SMYD1: variants seen among roughly 807,000 people sequenced by gnomAD.
SMYD1 encodes SET and MYND domain containing 1, also known as histone-lysine N-methyltransferase SMYD1.
Under a neutral mutation model 54.0 loss-of-function variants are expected in SMYD1, and 49 were observed. The observed-to-expected ratio is 0.91, with a 90% CI of 0.72 to 1.15. The LOEUF is 1.15. Ranked by LOEUF, SMYD1 falls within the 50% of genes most tolerant of loss-of-function variation. SMYD1 has a pLI of 0.00. For synonymous variants in SMYD1, 269 were observed against 234.2 expected (o/e 1.15, Z -1.36); for missense variants, 653 against 639.6 (o/e 1.02, Z -0.23).
intron 6 of SMYD1, among the ~76,000 whole-genome samples, chr2:88,097,599 A>G (rs1674624187): frequency 6.6e-6 from 1 of 152,148 alleles, no homozygotes; most frequent in Non-Finnish European, 1.5e-5. Context: ...ATTCTCTTTT[A>G]TAAGGACGCT....
chr2:88,085,547 G>C (rs1475606461), intron 2 of SMYD1, among the ~76,000 whole-genome samples: 1 of 152,180 alleles, frequency 6.6e-6, no homozygotes, highest in African/African-American at 2.4e-5. Context: ...GAACCTGCAG[G>C]ATGAAATGGC....
rs374325673 is a variant in SMYD1 at position 88,106,504 on chromosome 2, A to G, written c.1145+16A>G. 1.2e-6 allele frequency: 2 copies of G among 1,609,662 alleles called. No homozygotes were observed. Among genetic ancestry groups the G allele is most frequent in the Non-Finnish European group, 8.5e-7 (1 of 1,176,310 alleles). ...ACGGCTATATGTAGGTGACGATTCT[A>G]GGTCTCAGATAGTCTCCTGGAAGTG... On this transcript the variant is annotated intron_variant, in intron 8 of 9. Coordinates refer to ENST00000419482, the MANE Select transcript of SMYD1 (RefSeq NM_198274.4).
intron 9 of SMYD1, among the ~76,000 whole-genome samples, chr2:88,109,859 G>A (rs1205135885): frequency 6.6e-6 from 1 of 152,170 alleles, no homozygotes; most frequent in Non-Finnish European, 1.5e-5. Context: ...TGTATCCTCG[G>A]CCTCTGAATG....
In SMYD1 at chr2:88,077,827, G is replaced by A. The variant is rs111871668; in HGVS notation, c.138-6489G>A. On this transcript the variant is annotated intron_variant, in intron 1 of 9. Coordinates refer to ENST00000419482, the MANE Select transcript of SMYD1 (RefSeq NM_198274.4). The stretch of plus-strand genomic sequence containing the variant: ...CAAGCTCCGCCTCCCAGGTTCAAGC[G>A]ATTCTCCTGCCTCAGCCTCCCTAGT... Among the ~76,000 whole-genome samples the A allele has an allele frequency of 7.0e-4, 106 of 151,308 alleles. 1 individual carries two copies. The highest frequency in any genetic ancestry group is 2.4e-3 in the African/African-American group (97 of 41,238).
intron 3 of SMYD1, 140 bp from the exon 4 acceptor site, chr2:88,090,872 A>T: frequency 1.1e-6 from 1 of 897,668 alleles, no homozygotes; most frequent in Non-Finnish European, 1.7e-6. Context: ...AGAACAGGAG[A>T]CTAATTGTTC....
intron 3 of SMYD1, among the ~76,000 whole-genome samples, chr2:88,089,583 C>CTCTTTTTTTTTTTTTTTTTTTTTTT (rs1481581789): frequency 8.7e-6 from 1 of 114,992 alleles, no homozygotes; most frequent in African/African-American, 3.7e-5. Flanking sequence ...GAGCTTCTAC[C>CTCTTTTTTTTTTTTTTTTTTTTTTT]TGTTTTTTTT....
chr2:88,097,606 C>T lies in SMYD1; in HGVS notation c.888+822C>T, dbSNP rs554974703. On this transcript the variant is annotated intron_variant, in intron 6 of 9. Transcript: ENST00000419482. Reference sequence around the variant, plus strand: ...CACATGACATTCTCTTTTATAAGGACGCTAGTCCTATTGGGTTAGGAGCCC... The same window carrying T: ...CACATGACATTCTCTTTTATAAGGATGCTAGTCCTATTGGGTTAGGAGCCC... Among the ~76,000 whole-genome samples, 36 of 152,226 alleles carry T rather than the reference C, an allele frequency of 2.4e-4. No individual in the cohort carries two copies. The South Asian group carries it at 2.9e-3, about 12-fold the overall frequency.
At chr2:88,085,414 G>A (rs1274108667) in intron 2 of SMYD1, among the ~76,000 whole-genome samples, 1 of 152,212 alleles carries the variant, frequency 6.6e-6, no homozygotes, top group Non-Finnish European at 1.5e-5. Flanking sequence ...GCAGGGAGAT[G>A]CTCAGGAAGC....
chr2:88,089,441 GTCCATGCTTTCAGTATT>G (rs1674413257), intron 3 of SMYD1, among the ~76,000 whole-genome samples: 1 of 152,108 alleles, frequency 6.6e-6, no homozygotes, highest in Non-Finnish European at 1.5e-5. Flanking sequence ...ACAAGGTAAG[GTCCATGCTTTCAGTATT>G]TCTATTTTAT....
At chr2:88,097,412 A>C (rs1360874648) in intron 6 of SMYD1, among the ~76,000 whole-genome samples, 1 of 152,188 alleles carries the variant, frequency 6.6e-6, no homozygotes, top group Non-Finnish European at 1.5e-5. Flanking sequence ...CAGAGTAGCC[A>C]GTTAAAGCAA....
At chr2:88,073,183 A>G (rs1333036656) in intron 1 of SMYD1, among the ~76,000 whole-genome samples, 2 of 152,098 alleles carry the variant, frequency 1.3e-5, no homozygotes, top group Admixed American at 6.6e-5. Context: ...TTCTGCATTA[A>G]TTTGCTTAGG....
Position 88,111,890 on chromosome 2 carries a change from T to C in SMYD1, c.*1378T>C. On this transcript the variant is annotated 3_prime_UTR_variant, in exon 10 of 10. Coordinates refer to ENST00000419482, the MANE Select transcript of SMYD1 (RefSeq NM_198274.4). ...CCAGGACTACCATTGACCTCAGAGC[T>C]GTACCCCACATCTTGAAGTAAATTG... is the stretch of plus-strand genomic sequence containing the variant. 1 of 606,356 alleles carries C rather than the reference T, an allele frequency of 1.6e-6. No individual in the cohort carries two copies. The highest frequency in any genetic ancestry group is 3.0e-6 in the Non-Finnish European group (1 of 336,118). 37.6% of individuals were successfully genotyped at this position (606,356 alleles called of 1,614,324 possible).
At chr2:88,090,324 C>T (rs1419998406) in intron 3 of SMYD1, among the ~76,000 whole-genome samples, 16 of 152,132 alleles carry the variant, frequency 1.1e-4, no homozygotes, top group African/African-American at 2.9e-4. Flanking sequence ...ATGTATTCTA[C>T]GTTATATTTA....
Position 88,068,002 on chromosome 2 carries a change from G to A in SMYD1, c.137+1G>A. ...CTTATTCCGCAGTGGTTTTTGACAG[G>A]TATGAAATGTGGGGAGTTGCCTTCT... On this transcript the variant is annotated splice_donor_variant, in intron 1 of 9. Coordinates refer to ENST00000419482, the MANE Select transcript of SMYD1 (RefSeq NM_198274.4). LOFTEE classifies it high-confidence loss of function. 1 of 1,612,404 alleles carries A rather than the reference G, an allele frequency of 6.2e-7. No individual in the cohort carries two copies. The highest frequency in any genetic ancestry group is 1.3e-5 in the African/African-American group (1 of 74,968).
chr2:88,089,422 C>A (rs1417206986), intron 3 of SMYD1, among the ~76,000 whole-genome samples: 1 of 152,138 alleles, frequency 6.6e-6, no homozygotes. Flanking sequence ...TTTACACAAT[C>A]TTTACAACAC....
intron 6 of SMYD1, 135 bp from the exon 7 acceptor site, chr2:88,102,918 GCATTT>G (rs1369773370): frequency 1.6e-6 from 1 of 631,724 alleles, no homozygotes; most frequent in African/African-American, 1.8e-5. Flanking sequence ...ATCTTGGGTA[GCATTT>G]ACAGGAATGA....
rs549723922 is a variant in SMYD1 at position 88,091,065 on chromosome 2, C to T, written c.582C>T (p.Gly194=). The change falls in exon 4 of 10, where the codon GGC becomes GGT. Residue 194 remains glycine, a synonymous_variant. Transcript: ENST00000419482. ...LSDQRGLQAV[G]VGIFPNLGLV... is the part of the protein sequence containing the mutation. ...ATCAGAGAGGCCTGCAGGCCGTGGG[C>T]GTAGGCATCTTCCCCAACCTGGGCC... The T allele has an allele frequency of 3.7e-6, 6 of 1,613,902 alleles. No individual in the cohort carries two copies. The highest frequency in any genetic ancestry group is 1.7e-5 in the Admixed American group (1 of 60,024).
rs372431455 is a variant in SMYD1 at position 88,108,368 on chromosome 2, C to A, written c.1146-3C>A. 6.3e-7 allele frequency: 1 copy of A among 1,576,366 alleles called. No individual in the cohort carries two copies. Among genetic ancestry groups the A allele is most frequent in the South Asian group, 1.2e-5 (1 of 83,634 alleles). Reference sequence around the variant, plus strand: ...TGTATAATTATCTGCTATGCTCCCACAGGAAGCTCTACCACCCCAACAATG... The same window carrying A: ...TGTATAATTATCTGCTATGCTCCCAAAGGAAGCTCTACCACCCCAACAATG... On this transcript the variant is annotated splice_region_variant and splice_polypyrimidine_tract_variant and intron_variant, in intron 8 of 9. Coordinates refer to ENST00000419482, the MANE Select transcript of SMYD1 (RefSeq NM_198274.4).
chr2:88,084,937 A>G (rs1283964084), intron 2 of SMYD1, among the ~76,000 whole-genome samples: 1 of 151,896 alleles, frequency 6.6e-6, no homozygotes, highest in Non-Finnish European at 1.5e-5. Flanking sequence ...TTTTTTAGAG[A>G]TGGGGTTTTA....
Sources: allele counts gnomAD v4.1 joint callset (sites outside exome capture counted in the v4.1 genomes callset), GRCh38; gene constraint gnomAD v4.1.1; transcripts MANE v1.5; gene names NCBI Gene and HGNC (gene_info 2026-07-23, HGNC 2026-07-21).